Variants in MARCHF11 observed in about 807,000 individuals in gnomAD.
The protein encoded by MARCHF11 is E3 ubiquitin-protein ligase MARCHF11.
In MARCHF11, 29 loss-of-function variants were observed where a neutral mutation model predicts 37.3. That is an observed-to-expected ratio of 0.78 (90% CI 0.58 to 1.06). MARCHF11 has a LOEUF of 1.06. MARCHF11 is among the 50% of genes least tolerant of loss of function. The pLI, the probability that MARCHF11 is intolerant of heterozygous loss-of-function variation, is 0.00. For synonymous variants in MARCHF11, 233 were observed against 228.0 expected (o/e 1.02, Z -0.20); for missense variants, 482 against 533.4 (o/e 0.90, Z 0.95).
At chr5:16,177,936 A>C in intron 1 of MARCHF11, 55 bp from the exon 2 acceptor site, 1 of 1,493,316 alleles carries the variant, frequency 6.7e-7, no homozygotes, top group African/African-American at 1.4e-5. Context: ...TATTTTAAAA[A>C]CCTAATGCTT....
intron 2 of MARCHF11, among the ~76,000 whole-genome samples, chr5:16,124,297 A>G (rs1214919257): frequency 6.6e-6 from 1 of 152,150 alleles, no homozygotes; most frequent in Non-Finnish European, 1.5e-5. Flanking sequence ...GACTCACAGG[A>G]GGGACTATTA....
intron 2 of MARCHF11, among the ~76,000 whole-genome samples, chr5:16,146,246 T>C (rs947108645): frequency 1.3e-5 from 2 of 152,200 alleles, no homozygotes; most frequent in African/African-American, 4.8e-5. Flanking sequence ...AGTGTCCCTA[T>C]GACCTCTCGC....
At chr5:16,156,946 C>T (rs988557970) in intron 2 of MARCHF11, among the ~76,000 whole-genome samples, 11 of 151,840 alleles carry the variant, frequency 7.2e-5, no homozygotes, top group Non-Finnish European at 1.5e-4. Context: ...TGTTGTCCAT[C>T]GTTGATGGAA....
intron 2 of MARCHF11, among the ~76,000 whole-genome samples, chr5:16,173,602 T>C (rs1044930595): frequency 6.6e-6 from 1 of 152,098 alleles, no homozygotes; most frequent in Non-Finnish European, 1.5e-5. Flanking sequence ...GCTCAGAAAC[T>C]GAGGTGGGAT....
chr5:16,102,562 G>C (rs1451634280), intron 2 of MARCHF11, among the ~76,000 whole-genome samples: 1 of 152,186 alleles, frequency 6.6e-6, no homozygotes, highest in Non-Finnish European at 1.5e-5. Context: ...ACTATGGCCA[G>C]AGGAGAGTTC....
chr5:16,075,979 T>C (rs1736509359), intron 3 of MARCHF11, among the ~76,000 whole-genome samples: 1 of 152,254 alleles, frequency 6.6e-6, no homozygotes, highest in Non-Finnish European at 1.5e-5. Context: ...TGTTTGCCTG[T>C]ATCAATCACA....
intron 2 of MARCHF11, 148 bp from the exon 3 acceptor site, chr5:16,091,229 C>A: frequency 1.7e-6 from 1 of 577,152 alleles, no homozygotes; most frequent in East Asian, 3.0e-5. Flanking sequence ...TTCATCCAGG[C>A]TATAAAAAAT....
intron 3 of MARCHF11, among the ~76,000 whole-genome samples, chr5:16,072,306 A>G (rs1032175577): frequency 7.9e-5 from 12 of 152,146 alleles, no homozygotes; most frequent in Non-Finnish European, 1.3e-4. Context: ...ATAATCAAAT[A>G]AAAGAGGTTA....
rs1477172419 is a variant in MARCHF11, at chr5:16,179,526, C to T, written c.50G>A (p.Ser17Asn). The T allele has an allele frequency of 8.5e-7, 1 of 1,181,254 alleles. No individual in the cohort carries two copies. Among genetic ancestry groups the T allele is most frequent in the Admixed American group, 4.6e-5 (1 of 21,812 alleles). The allele number at this position is 1,181,254 out of a possible 1,614,324, so 73.2% of individuals were successfully genotyped here. Residue 17 changes from serine to asparagine, a missense_variant, in exon 1 of 4, where the codon AGC (serine) becomes AAC (asparagine). Coordinates refer to ENST00000332432, the MANE Select transcript of MARCHF11 (RefSeq NM_001102562.3). Reference protein sequence around the residue: ...HGGSRCRGAESGDAEPPPQPP... With the variant: ...HGGSRCRGAENGDAEPPPQPP... ...TTGCGGGGGAGGCTCGGCGTCCCCG[C>T]TCTCCGCCCCGCGACACCGACTGCC...
chr5:16,097,118 T>C (rs904260306), intron 2 of MARCHF11, among the ~76,000 whole-genome samples: 14 of 152,226 alleles, frequency 9.2e-5, no homozygotes, highest in Admixed American at 7.9e-4. Context: ...AGAGGTGTCC[T>C]CTTCAGAAAA....
At chr5:16,133,876 G>A (rs182553195) in intron 2 of MARCHF11, among the ~76,000 whole-genome samples, 2 of 152,140 alleles carry the variant, frequency 1.3e-5, no homozygotes, top group Middle Eastern at 3.4e-3. Flanking sequence ...GCTGCTCTGG[G>A]CTGCTTGTGG....
chr5:16,089,450 T>C (rs1416980645), intron 3 of MARCHF11, among the ~76,000 whole-genome samples: 1 of 152,204 alleles, frequency 6.6e-6, no homozygotes, highest in Non-Finnish European at 1.5e-5. Flanking sequence ...ACTGTTCATA[T>C]ACATGATTAG....
At chr5:16,090,308 A>AT (rs1736770762) in intron 3 of MARCHF11, among the ~76,000 whole-genome samples, 1 of 152,180 alleles carries the variant, frequency 6.6e-6, no homozygotes, top group Non-Finnish European at 1.5e-5. Context: ...TGTAGGGTTT[A>AT]TTTTAGCTAA....
chr5:16,112,411 G>A (rs560320465), intron 2 of MARCHF11, among the ~76,000 whole-genome samples: 2 of 152,284 alleles, frequency 1.3e-5, no homozygotes, highest in South Asian at 2.1e-4. Flanking sequence ...GATCATTTTG[G>A]AGCTTCAAGA....
intron 2 of MARCHF11, among the ~76,000 whole-genome samples, chr5:16,130,127 T>TA (rs1737490472): frequency 6.6e-6 from 1 of 152,114 alleles, no homozygotes; most frequent in African/African-American, 2.4e-5. Flanking sequence ...TAAATACAGG[T>TA]AAAATCTCAT....
chr5:16,090,849 A>G (rs1736779510), intron 3 of MARCHF11, 40 bp downstream of exon 3: 13 of 1,398,892 alleles, frequency 9.3e-6, no homozygotes, highest in Non-Finnish European at 1.2e-5. Context: ...AAAGAAATGG[A>G]TTACTGACAG....
rs199933714 is a variant in MARCHF11 at position 16,178,526 on chromosome 5, TC to T, written c.537+512del. The stretch of plus-strand genomic sequence containing the variant: ...TATAAATTGTTGGCATAATAGCCTT[TC>T]TTTCAAAGTCCATTCCTATTTCTCT... On this transcript the variant is annotated intron_variant, in intron 1 of 3. Coordinates refer to ENST00000332432, the MANE Select transcript of MARCHF11 (RefSeq NM_001102562.3). Among the ~76,000 whole-genome samples the T allele has an allele frequency of 3.3e-5, 5 of 152,372 alleles. No individual in the cohort carries two copies. In the East Asian group the frequency reaches 9.6e-4, roughly 29 times the overall value.
At chr5:16,113,932 CT>C (rs1269208874) in intron 2 of MARCHF11, among the ~76,000 whole-genome samples, 4 of 152,260 alleles carry the variant, frequency 2.6e-5, no homozygotes, top group South Asian at 4.2e-4. Context: ...GGAAACTCAC[CT>C]CTTTTCAACT....
At chr5:16,068,057 C>A (rs1165572709) in intron 3 of MARCHF11, among the ~76,000 whole-genome samples, 1 of 152,152 alleles carries the variant, frequency 6.6e-6, no homozygotes, top group Non-Finnish European at 1.5e-5. Flanking sequence ...TCCATCATGG[C>A]TCAGATTTTG....
Sources: allele counts gnomAD v4.1 joint callset (sites outside exome capture counted in the v4.1 genomes callset), GRCh38; gene constraint gnomAD v4.1.1; transcripts MANE v1.5; gene names NCBI Gene and HGNC (gene_info 2026-07-23, HGNC 2026-07-21).